The following SCAI variants were observed in gnomAD, a reference collection of about 807,000 sequenced individuals.
SCAI encodes suppressor of cancer cell invasion.
A neutral mutation model predicts 92.2 loss-of-function variants in SCAI; 24 were observed. The ratio of observed to expected loss-of-function variants is 0.26; its 90% CI spans 0.19 to 0.37. SCAI has a LOEUF of 0.37. Ranked by LOEUF, SCAI falls within the 10% of genes least tolerant of loss-of-function variation. The pLI is 1.00. For missense variants in SCAI, 450 were observed against 736.2 expected (o/e 0.61, Z 4.50); for synonymous variants, 261 against 258.6 (o/e 1.01, Z -0.09).
intron 17 of SCAI, among the ~76,000 whole-genome samples, chr9:124,969,026 T>C (rs895395957): frequency 7.3e-5 from 11 of 151,398 alleles, no homozygotes; most frequent in African/African-American, 2.4e-4. Context: ...CACTGCAGCC[T>C]CAAACCCCTG....
intron 9 of SCAI, among the ~76,000 whole-genome samples, chr9:125,011,652 C>A (rs1832643561): frequency 6.6e-6 from 1 of 152,114 alleles, no homozygotes; most frequent in African/African-American, 2.4e-5. Flanking sequence ...GCAAGGCAGG[C>A]CAACATTCAG....
intron 17 of SCAI, among the ~76,000 whole-genome samples, chr9:124,955,225 T>C (rs1831296492): frequency 6.7e-6 from 1 of 148,884 alleles, no homozygotes; most frequent in Non-Finnish European, 1.5e-5. Flanking sequence ...AGGTTTCAGA[T>C]CTAAGCTTAA....
At chr9:125,013,602 C>T (rs1390582147) in intron 9 of SCAI, among the ~76,000 whole-genome samples, 1 of 152,110 alleles carries the variant, frequency 6.6e-6, no homozygotes, top group Non-Finnish European at 1.5e-5. Context: ...ACCAGAGGTA[C>T]AAGAGGAACT....
chr9:125,042,999 G>A lies in SCAI; in HGVS notation c.230+12877C>T, dbSNP rs1404023122. 5.3e-5 allele frequency among the ~76,000 whole-genome samples: 8 copies of A among 151,332 alleles called. No homozygotes were observed. In the East Asian group the frequency reaches 1.6e-3, roughly 30 times the overall value. On this transcript the variant is annotated intron_variant, in intron 3 of 17. Transcript: ENST00000336505. The stretch of plus-strand genomic sequence containing the variant: ...TCATGCCTCAGCTTCCTGAGTAGCT[G>A]GGATTATGGGCATTTGCCACCATGC...
At chr9:125,084,144 A>G (rs1244483419) in intron 2 of SCAI, among the ~76,000 whole-genome samples, 1 of 121,446 alleles carries the variant, frequency 8.2e-6, no homozygotes, top group African/African-American at 3.1e-5. Context: ...TATGAACAGG[A>G]CTCTTGGCTG....
At chr9:125,047,750 T>A (rs997756852) in intron 3 of SCAI, among the ~76,000 whole-genome samples, 5 of 152,246 alleles carry the variant, frequency 3.3e-5, no homozygotes, top group Admixed American at 2.0e-4. Flanking sequence ...CTGAAATGTA[T>A]GTAAGTATAA....
rs922443501 is a variant in SCAI at position 124,944,622 on chromosome 9, GT to G, written c.*8184del. ...GATTTTTAATTTACCACAGTACATAGTTTTAATTTAGAAAAAAAGCAATTAG... is the reference window on the plus strand; with the variant it reads ...GATTTTTAATTTACCACAGTACATAGTTTAATTTAGAAAAAAAGCAATTAG... On this transcript the variant is annotated 3_prime_UTR_variant, in exon 18 of 18. Coordinates refer to ENST00000336505, the MANE Select transcript of SCAI (RefSeq NM_001144877.3). The G allele has an allele frequency of 1.3e-5, 2 of 151,922 alleles. No individual in the cohort carries two copies. The highest frequency in any genetic ancestry group is 4.8e-5 in the African/African-American group (2 of 41,348). 9.4% of individuals were successfully genotyped at this position (151,922 alleles called of 1,614,324 possible).
At position 125,142,664 on chromosome 9, in the gene SCAI, C is replaced by T. The variant is rs1405358715; in HGVS notation, c.67G>A (p.Val23Met). The change falls in exon 2 of 18, where the codon GTG (valine) becomes ATG (methionine). Residue 23 changes from valine to methionine, a missense_variant. By Grantham distance (21) the Val-to-Met change is conservative (BLOSUM62 1). Around this residue, in one of 3 missense-constraint regions of SCAI, gnomAD observed 70 missense variants for 66.3 expected, o/e 1.06. Coordinates refer to ENST00000336505, the MANE Select transcript of SCAI (RefSeq NM_001144877.3). ...SRLAPRLTGTVEKPPRKRRSR... is the reference protein window; with the variant it reads ...SRLAPRLTGTMEKPPRKRRSR... The stretch of plus-strand genomic sequence containing the variant: ...CTCCGTTTTCGAGGCGGTTTCTCCA[C>T]TGTGCCAGTCAGTCTGCAGACCAAA... 1 of 1,613,750 alleles carries T rather than the reference C, an allele frequency of 6.2e-7. No homozygotes were observed. Among genetic ancestry groups the T allele is most frequent in the Non-Finnish European group, 8.5e-7 (1 of 1,179,746 alleles).
In SCAI at chr9:124,943,575, G is replaced by A. The variant is rs1831094279; in HGVS notation, c.*9232C>T. On this transcript the variant is annotated 3_prime_UTR_variant, in exon 18 of 18. Coordinates refer to ENST00000336505, the MANE Select transcript of SCAI (RefSeq NM_001144877.3). ...AAAATTCTATAACATTTCAGTTACA[G>A]ACAAGCACAATTGTTAAAAAGTATT... 1 of 152,104 alleles carries A rather than the reference G, an allele frequency of 6.6e-6. No individual in the cohort carries two copies. Among genetic ancestry groups the A allele is most frequent in the Non-Finnish European group, 1.5e-5 (1 of 68,000 alleles). 9.4% of individuals were successfully genotyped at this position (152,104 alleles called of 1,614,324 possible). A position where few individuals can be genotyped will look rare whatever the true frequency, so the allele number is the denominator to read the frequency against.
At chr9:124,982,973 C>A (rs1831917059) in intron 14 of SCAI, among the ~76,000 whole-genome samples, 1 of 152,110 alleles carries the variant, frequency 6.6e-6, no homozygotes, top group African/African-American at 2.4e-5. Flanking sequence ...GAGAACATAG[C>A]AAGACCCTAT....
At chr9:124,979,044 A>G (rs563533249) in intron 14 of SCAI, among the ~76,000 whole-genome samples, 3 of 151,810 alleles carry the variant, frequency 2.0e-5, no homozygotes, top group East Asian at 3.9e-4. Context: ...TGTTTTTAGT[A>G]GAGACGGGGT....
intron 14 of SCAI, among the ~76,000 whole-genome samples, chr9:124,985,099 C>T (rs548423026): frequency 6.6e-6 from 1 of 152,140 alleles, no homozygotes; most frequent in Non-Finnish European, 1.5e-5. Context: ...AACTGGAATC[C>T]TCAGGGCTAC....
In SCAI at chr9:124,977,797, A is replaced by C. The variant is rs150072674; in HGVS notation, c.1327-1611T>G. On this transcript the variant is annotated intron_variant, in intron 14 of 17. Coordinates refer to ENST00000336505, the MANE Select transcript of SCAI (RefSeq NM_001144877.3). Reference sequence around the variant, plus strand: ...ATGAAAAGTCCAGAATTAGACTCCAAAACATTTAGGACTTATGTACACATA... The same window carrying C: ...ATGAAAAGTCCAGAATTAGACTCCACAACATTTAGGACTTATGTACACATA... 3.4e-3 allele frequency among the ~76,000 whole-genome samples: 522 copies of C among 152,358 alleles called. 7 individuals are homozygous for C. Among genetic ancestry groups the C allele is most frequent in the South Asian group, 0.024 (118 of 4,830 alleles).
Position 124,952,956 on chromosome 9 carries a change from G to C in SCAI, c.1675-3C>G. ...GATTCTGGATAATTTCGTGTTTCCT[G>C]GTAGGCAAAGAAGAGAAAAGTCAAG... On this transcript the variant is annotated splice_polypyrimidine_tract_variant and splice_region_variant and intron_variant, in intron 17 of 17. Transcript: ENST00000336505. 1 of 1,612,582 alleles carries C rather than the reference G, an allele frequency of 6.2e-7. No homozygotes were observed.
chr9:125,117,873 TTTGTC>T (rs899890324), intron 2 of SCAI, among the ~76,000 whole-genome samples: 1 of 152,132 alleles, frequency 6.6e-6, no homozygotes, highest in Non-Finnish European at 1.5e-5. Context: ...ACAAAACTGT[TTTGTC>T]TTGACTGTGC....
chr9:125,119,121 C>T (rs974379974), intron 2 of SCAI, among the ~76,000 whole-genome samples: 1 of 152,180 alleles, frequency 6.6e-6, no homozygotes, highest in African/African-American at 2.4e-5. Context: ...GCCTGGGCAA[C>T]ATGACAAGAC....
chr9:124,967,713 C>A (rs1023198301), intron 17 of SCAI, among the ~76,000 whole-genome samples: 1 of 152,104 alleles, frequency 6.6e-6, no homozygotes, highest in African/African-American at 2.4e-5. Flanking sequence ...ACTAGGTCTC[C>A]CAGGACAACC....
rs12340092 is a variant in SCAI at position 125,091,882 on chromosome 9, C to T, written c.99-35875G>A. On this transcript the variant is annotated intron_variant, in intron 2 of 17. Coordinates refer to ENST00000336505, the MANE Select transcript of SCAI (RefSeq NM_001144877.3). The surrounding 1 kb of genome is among the most constrained non-coding windows in gnomAD (Gnocchi z 4.3). Reference sequence around the variant, plus strand: ...ATCCCAGCACTGCGGGAGGCCGAGGCGAGCAGATCACGAGGTCAGGAGATC... The same window carrying T: ...ATCCCAGCACTGCGGGAGGCCGAGGTGAGCAGATCACGAGGTCAGGAGATC... Among the ~76,000 whole-genome samples the T allele has an allele frequency of 1.3e-5, 2 of 151,936 alleles. No homozygotes were observed. Among genetic ancestry groups the T allele is most frequent in the Admixed American group, 6.6e-5 (1 of 15,248 alleles).
intron 17 of SCAI, among the ~76,000 whole-genome samples, chr9:124,959,883 G>A (rs2131576958): frequency 6.6e-6 from 1 of 152,202 alleles, no homozygotes; most frequent in African/African-American, 2.4e-5. Flanking sequence ...TTTTATGGAT[G>A]CATAGTATTC....
Sources: allele counts gnomAD v4.1 joint callset (sites outside exome capture counted in the v4.1 genomes callset), GRCh38; gene constraint gnomAD v4.1.1; regional missense constraint gnomAD v4.1.1; non-coding constraint Gnocchi (gnomAD v3.1); transcripts MANE v1.5; gene names NCBI Gene and HGNC (gene_info 2026-07-23, HGNC 2026-07-21).